PTPRD: variants seen among roughly 807,000 people sequenced by gnomAD.
PTPRD encodes protein tyrosine phosphatase receptor type D, also known as receptor-type tyrosine-protein phosphatase delta.
In PTPRD, 34 loss-of-function variants were observed where a neutral mutation model predicts 214.5. That is an observed-to-expected ratio of 0.16 (90% CI 0.12 to 0.21). The LOEUF (loss-of-function observed/expected upper bound fraction) is 0.21. PTPRD is among the 10% of genes least tolerant of loss of function. The pLI, the probability that PTPRD is intolerant of heterozygous loss-of-function variation, is 1.00. For missense variants in PTPRD, 2,545 were observed against 2,398.7 expected, an observed-to-expected ratio of 1.06 and a Z score of -1.27; for synonymous variants, 1,128 against 845.7, an observed-to-expected ratio of 1.33 and a Z score of -5.79.
At chr9:8,766,266 G>A (rs2094736960) in intron 11 of PTPRD, among the ~76,000 whole-genome samples, 1 of 151,836 alleles carries the variant, frequency 6.6e-6, no homozygotes, top group African/African-American at 2.4e-5. Context: ...GTATGCATGG[G>A]TTTCCTCTGG....
intron 4 of PTPRD, among the ~76,000 whole-genome samples, chr9:10,020,303 T>A (rs1052355243): frequency 3.9e-5 from 6 of 152,050 alleles, no homozygotes; most frequent in Non-Finnish European, 7.4e-5. Context: ...TTAGTTTCTT[T>A]TTCTTTTTCT....
At chr9:9,659,103 T>G (rs1250219568) in intron 7 of PTPRD, among the ~76,000 whole-genome samples, 2 of 152,098 alleles carry the variant, frequency 1.3e-5, no homozygotes, top group Non-Finnish European at 2.9e-5. Context: ...TAAAAACAGT[T>G]GCTTTTTTAT....
At chr9:8,639,783 A>T (rs1053166737) in intron 12 of PTPRD, among the ~76,000 whole-genome samples, 2 of 152,204 alleles carry the variant, frequency 1.3e-5, no homozygotes, top group Non-Finnish European at 2.9e-5. Flanking sequence ...GTGGGTGAGG[A>T]CAAGTCAAAT....
intron 3 of PTPRD, among the ~76,000 whole-genome samples, chr9:10,186,720 A>C (rs1049154723): frequency 3.3e-5 from 5 of 152,186 alleles, no homozygotes; most frequent in African/African-American, 1.2e-4. Context: ...TGGCATTCTC[A>C]AATGTATAAA....
chr9:8,630,958 T>C (rs924834968), intron 14 of PTPRD, among the ~76,000 whole-genome samples: 4 of 151,982 alleles, frequency 2.6e-5, no homozygotes, highest in Non-Finnish European at 5.9e-5. Context: ...AAAACGTTTC[T>C]GATAAGTTTT....
intron 4 of PTPRD, among the ~76,000 whole-genome samples, chr9:10,008,645 ATTTCAAGTGTCTGCTTCTGGTTTTT>A (rs1243183150): frequency 7.9e-4 from 120 of 151,986 alleles, no homozygotes; most frequent in Non-Finnish European, 1.3e-3. Flanking sequence ...ATCCTTCCTT[ATTTCAAGTGTCTGCTTCTGGTTTTT>A]GCCAGAAGCT....
intron 5 of PTPRD, among the ~76,000 whole-genome samples, chr9:9,824,308 C>T (rs1051917132): frequency 1.3e-4 from 19 of 151,952 alleles, no homozygotes; most frequent in African/African-American, 4.3e-4. Flanking sequence ...TTCTTCATTA[C>T]TTATGACTGA....
chr9:10,443,981 C>A (rs1160906608), intron 2 of PTPRD, among the ~76,000 whole-genome samples: 3 of 151,620 alleles, frequency 2.0e-5, no homozygotes, highest in East Asian at 3.9e-4. Context: ...ACACTGAGTG[C>A]TGATTGTGGC....
At chr9:9,503,592 A>G (rs958754305) in intron 8 of PTPRD, among the ~76,000 whole-genome samples, 1 of 151,792 alleles carries the variant, frequency 6.6e-6, no homozygotes, top group African/African-American at 2.4e-5. Flanking sequence ...TACAGTAAAT[A>G]TTGCATAGGA....
At chr9:9,673,446 G>C (rs1364811577) in intron 7 of PTPRD, among the ~76,000 whole-genome samples, 1 of 151,652 alleles carries the variant, frequency 6.6e-6, no homozygotes, top group Non-Finnish European at 1.5e-5. Flanking sequence ...TGTAACTCTT[G>C]AAATAAAAAT....
intron 21 of PTPRD, among the ~76,000 whole-genome samples, chr9:8,513,888 T>A (rs1013319506): frequency 6.6e-6 from 1 of 152,124 alleles, no homozygotes; most frequent in African/African-American, 2.4e-5. Context: ...AGGCAGTCAT[T>A]ACATCACTAT....
In PTPRD at chr9:9,299,038, G is replaced by T. The variant is rs2134581844; in HGVS notation, c.-203+98411C>A. ...CTTCATTATTATCCTAATCATTTCA[G>T]GTTCTACTATAATTATAATGTAGAT... On this transcript the variant is annotated intron_variant, in intron 9 of 45. Transcript: ENST00000381196. Among the ~76,000 whole-genome samples, 2 of 151,632 alleles carry T rather than the reference G, an allele frequency of 1.3e-5. 1 individual carries two copies. Among genetic ancestry groups the T allele is most frequent in the East Asian group, 3.9e-4 (2 of 5,102 alleles).
intron 10 of PTPRD, among the ~76,000 whole-genome samples, chr9:9,047,879 T>TCC (rs2099676064): frequency 6.6e-6 from 1 of 152,010 alleles, no homozygotes; most frequent in Admixed American, 6.6e-5. Flanking sequence ...AATGGACAAA[T>TCC]TGGATCACCT....
intron 10 of PTPRD, among the ~76,000 whole-genome samples, chr9:9,049,980 G>A (rs1201971134): frequency 1.3e-5 from 2 of 152,194 alleles, no homozygotes; most frequent in Admixed American, 6.5e-5. Flanking sequence ...AAGGTGTGGT[G>A]TGAGTCTTTG....
At chr9:9,815,942 G>A (rs2048621849) in intron 5 of PTPRD, among the ~76,000 whole-genome samples, 1 of 152,128 alleles carries the variant, frequency 6.6e-6, no homozygotes, top group South Asian at 2.1e-4. Context: ...GTAGCTATGT[G>A]AGGTGAACTT....
chr9:9,019,301 A>AAAGAAAGAAAGG lies in PTPRD; in HGVS notation c.-142-567_-142-566insCCTTTCTTTCTT, dbSNP rs1294161673. 4.5e-3 allele frequency among the ~76,000 whole-genome samples: 320 copies of AAAGAAAGAAAGG among 70,682 alleles called. 1 individual carries two copies. Among genetic ancestry groups the AAAGAAAGAAAGG allele is most frequent in the South Asian group, 0.015 (21 of 1,364 alleles). 46.4% of individuals were successfully genotyped at this position (70,682 alleles called of 152,430 possible). A position where few individuals can be genotyped will look rare whatever the true frequency, so the allele number is the denominator to read the frequency against. The stretch of plus-strand genomic sequence containing the variant: ...AGAAAGAAGAAAGAAAGAAAGAAAG[A>AAAGAAAGAAAGG]AAGAAAGAAAGAAAGAAAGAAAGAA... On this transcript the variant is annotated intron_variant, in intron 10 of 45. Coordinates refer to ENST00000381196, the MANE Select transcript of PTPRD (RefSeq NM_002839.4).
intron 2 of PTPRD, among the ~76,000 whole-genome samples, chr9:10,459,167 T>C (rs36179645): frequency 8.5e-5 from 13 of 152,186 alleles, no homozygotes; most frequent in African/African-American, 3.1e-4. Flanking sequence ...TCTGTCCTTG[T>C]GCCAGTTTGC....
At chr9:9,386,165 C>T (rs2063802287) in intron 9 of PTPRD, among the ~76,000 whole-genome samples, 1 of 152,070 alleles carries the variant, frequency 6.6e-6, no homozygotes. Context: ...TGACAGCGTC[C>T]AATATATGTT....
At chr9:9,158,160 A>G (rs890512776) in intron 10 of PTPRD, among the ~76,000 whole-genome samples, 3 of 152,114 alleles carry the variant, frequency 2.0e-5, no homozygotes, top group Non-Finnish European at 1.5e-5. Context: ...GCTGTTGTAA[A>G]TAGTGCTGCA....
Sources: gnomAD v4.1 joint callset for allele counts (sites outside exome capture counted in the v4.1 genomes callset) on GRCh38, gnomAD v4.1.1 for gene constraint, MANE v1.5 for transcripts, NCBI Gene and HGNC (gene_info 2026-07-23, HGNC 2026-07-21) for gene names.